PARD3B: variants seen among roughly 807,000 people sequenced by gnomAD.
PARD3B encodes partitioning defective 3 homolog B.
Under a neutral mutation model 130.2 loss-of-function variants are expected in PARD3B, and 103 were observed. The observed-to-expected ratio is 0.79, with a 90% CI of 0.67 to 0.93. The LOEUF (loss-of-function observed/expected upper bound fraction) is 0.93, where lower values mean the gene tolerates loss of function less well. PARD3B is among the 40% of genes least tolerant of loss of function. The probability of loss-of-function intolerance (pLI) is 0.00; values close to 1 mark genes in which losing one functional copy is unlikely to be tolerated. For missense variants in PARD3B, 1,609 were observed against 1,499.2 expected (o/e 1.07, Z -1.21); for synonymous variants, 583 against 553.2 (o/e 1.05, Z -0.76).
chr2:205,321,889 T>C lies in PARD3B; in HGVS notation c.2630+20188T>C, dbSNP rs1189411202. 1.3e-5 allele frequency among the ~76,000 whole-genome samples: 2 copies of C among 152,172 alleles called. No homozygotes were observed. Among genetic ancestry groups the C allele is most frequent in the African/African-American group, 4.8e-5 (2 of 41,442 alleles). On this transcript the variant is annotated intron_variant, in intron 18 of 22. Coordinates refer to ENST00000406610, the MANE Select transcript of PARD3B (RefSeq NM_001302769.2). The surrounding 1 kb of genome is among the most constrained non-coding windows in gnomAD (Gnocchi z 4.2). ...AACTTCAGAAGTAAACCTCTGTAAA[T>C]AGGTGCAAATATCCTTGTGATAAAG...
At chr2:205,507,212 T>TTTA (rs1380381427) in intron 21 of PARD3B, among the ~76,000 whole-genome samples, 1 of 113,540 alleles carries the variant, frequency 8.8e-6, no homozygotes, top group Non-Finnish European at 1.9e-5. Flanking sequence ...TTTTTTTTTT[T>TTTA]TTTTTTTTTT....
intron 12 of PARD3B, among the ~76,000 whole-genome samples, chr2:205,175,950 G>T (rs1300697263): frequency 2.0e-5 from 3 of 152,194 alleles, no homozygotes; most frequent in African/African-American, 7.2e-5. Context: ...GTTTGATTTA[G>T]CTCCTGGCCA....
intron 19 of PARD3B, among the ~76,000 whole-genome samples, chr2:205,410,759 T>G (rs1438488830): frequency 2.0e-5 from 3 of 152,210 alleles, no homozygotes; most frequent in Non-Finnish European, 2.9e-5. Flanking sequence ...TCTTTCCTTA[T>G]TTGAACATTT....
rs1472141811 is a variant in PARD3B at position 205,128,736 on chromosome 2, A to C, written c.1434+2999A>C. 6.6e-6 allele frequency among the ~76,000 whole-genome samples: 1 copy of C among 152,130 alleles called. No homozygotes were observed. Among genetic ancestry groups the C allele is most frequent in the African/African-American group, 2.4e-5 (1 of 41,420 alleles). Reference sequence around the variant, plus strand: ...GTGTAAACACAATTCTATACTCTAGATATATTATGGGGTAGATAGATTTAT... The same window carrying C: ...GTGTAAACACAATTCTATACTCTAGCTATATTATGGGGTAGATAGATTTAT... On this transcript the variant is annotated intron_variant, in intron 10 of 22. Transcript: ENST00000406610. The surrounding 1 kb of genome is among the most constrained non-coding windows in gnomAD (Gnocchi z 4.5).
At chr2:205,191,237 C>T (rs1214949697) in intron 14 of PARD3B, among the ~76,000 whole-genome samples, 2 of 152,142 alleles carry the variant, frequency 1.3e-5, no homozygotes, top group Non-Finnish European at 2.9e-5. Flanking sequence ...CTTAATAGCT[C>T]AGGTTGATCA....
Position 204,906,182 on chromosome 2 carries a change from A to C in PARD3B, c.223-58970A>C, listed in dbSNP as rs2047035718. On this transcript the variant is annotated intron_variant, in intron 2 of 22. Coordinates refer to ENST00000406610, the MANE Select transcript of PARD3B (RefSeq NM_001302769.2). This position sits in a 1 kb window ranked among gnomAD's most constrained non-coding sequence, Gnocchi z 4.3. ...TGGTTAAATAATTTTTCTGTGACTT[A>C]AGTAATTATTTAGAAGTCATGGTAA... Among the ~76,000 whole-genome samples the C allele has an allele frequency of 6.6e-6, 1 of 152,176 alleles. No individual in the cohort carries two copies. The highest frequency in any genetic ancestry group is 2.4e-5 in the African/African-American group (1 of 41,434).
chr2:204,881,277 A>G (rs2046035134), intron 2 of PARD3B, among the ~76,000 whole-genome samples: 1 of 151,972 alleles, frequency 6.6e-6, no homozygotes, highest in African/African-American at 2.4e-5. Context: ...GTAAAATGCC[A>G]TTTTCAACAG....
At chr2:205,609,502 T>C (rs2055149605) in intron 22 of PARD3B, among the ~76,000 whole-genome samples, 1 of 152,128 alleles carries the variant, frequency 6.6e-6, no homozygotes. Context: ...AACCCCAAAT[T>C]TGGCCACAGT....
chr2:204,610,649 C>T lies in PARD3B; in HGVS notation c.120+64530C>T, dbSNP rs553328392. 8.5e-5 allele frequency among the ~76,000 whole-genome samples: 13 copies of T among 152,260 alleles called. No homozygotes were observed. In the East Asian group the frequency reaches 2.3e-3, roughly 27 times the overall value. ...TGCTGGGATTACAGGCAGGAGCCACCGTGCCTGCCCCTTGTCCTTCATAGA... is the reference window on the plus strand; with the variant it reads ...TGCTGGGATTACAGGCAGGAGCCACTGTGCCTGCCCCTTGTCCTTCATAGA... On this transcript the variant is annotated intron_variant, in intron 1 of 22. Coordinates refer to ENST00000406610, the MANE Select transcript of PARD3B (RefSeq NM_001302769.2). This position sits in a 1 kb window ranked among gnomAD's most constrained non-coding sequence, Gnocchi z 4.1.
At position 205,344,187 on chromosome 2, in the gene PARD3B, A is replaced by G. The variant is rs1034093053; in HGVS notation, c.2630+42486A>G. Among the ~76,000 whole-genome samples, 325 of 82,732 alleles carry G rather than the reference A, an allele frequency of 3.9e-3. 3 individuals carry two copies. Among genetic ancestry groups the G allele is most frequent in the Non-Finnish European group, 6.2e-3 (222 of 35,660 alleles). The allele number at this position is 82,732 out of a possible 152,430, so 54.3% of individuals were successfully genotyped here. A position where few individuals can be genotyped will look rare whatever the true frequency, so the allele number is the denominator to read the frequency against. On this transcript the variant is annotated intron_variant, in intron 18 of 22. Coordinates refer to ENST00000406610, the MANE Select transcript of PARD3B (RefSeq NM_001302769.2). ...GAGCTTTGAAGGTGGGAAATGTGTC[A>G]GTTGGTTTGTGTGTGTGTGTGTGTG...
intron 3 of PARD3B, among the ~76,000 whole-genome samples, chr2:204,983,062 T>G (rs2125215799): frequency 6.6e-6 from 1 of 152,312 alleles, no homozygotes; most frequent in African/African-American, 2.4e-5. Context: ...TCTACCTGAT[T>G]TAGTGCTTTC....
Position 205,475,781 on chromosome 2 carries a change from A to T in PARD3B, c.3045-24115A>T, listed in dbSNP as rs537789673. On this transcript the variant is annotated intron_variant, in intron 20 of 22. Transcript: ENST00000406610. Reference sequence around the variant, plus strand: ...AGAAGCCTGCTCTTTGGTGATAGGCATACTGTTTGCTTCTGCAAATGAAGT... The same window carrying T: ...AGAAGCCTGCTCTTTGGTGATAGGCTTACTGTTTGCTTCTGCAAATGAAGT... Among the ~76,000 whole-genome samples the T allele has an allele frequency of 3.9e-5, 6 of 152,330 alleles. No homozygotes were observed. The East Asian group carries it at 1.2e-3, about 29-fold the overall frequency.
At chr2:205,088,088 A>G (rs1420330138) in intron 4 of PARD3B, among the ~76,000 whole-genome samples, 1 of 152,176 alleles carries the variant, frequency 6.6e-6, no homozygotes. Context: ...GGCTCTAAAG[A>G]TTTTGCAACT....
intron 16 of PARD3B, among the ~76,000 whole-genome samples, chr2:205,261,718 G>T (rs574017500): frequency 1.3e-5 from 2 of 152,250 alleles, no homozygotes; most frequent in East Asian, 3.9e-4. Context: ...TTCTTGTAAT[G>T]ATTCATTGTT....
chr2:204,950,460 A>C (rs1034753376), intron 2 of PARD3B, among the ~76,000 whole-genome samples: 1 of 152,168 alleles, frequency 6.6e-6, no homozygotes, highest in African/African-American at 2.4e-5. Flanking sequence ...ACCTTGAAGG[A>C]TTCTAAGAAA....
chr2:205,558,844 C>T lies in PARD3B; in HGVS notation c.3260+5441C>T, dbSNP rs1195802723. Among the ~76,000 whole-genome samples, 1 of 152,186 alleles carries T rather than the reference C, an allele frequency of 6.6e-6. No individual in the cohort carries two copies. Among genetic ancestry groups the T allele is most frequent in the Admixed American group, 6.5e-5 (1 of 15,272 alleles). ...AAAACCCATGCCATCTTCCTTTGCT[C>T]TTCTTCTTTTAAACTTCCATAGCAT... is the stretch of plus-strand genomic sequence containing the variant. On this transcript the variant is annotated intron_variant, in intron 22 of 22. Coordinates refer to ENST00000406610, the MANE Select transcript of PARD3B (RefSeq NM_001302769.2). The surrounding 1 kb of genome is among the most constrained non-coding windows in gnomAD (Gnocchi z 4.8).
chr2:205,512,989 C>CTTT (rs34921395), intron 21 of PARD3B, among the ~76,000 whole-genome samples: 1 of 143,328 alleles, frequency 7.0e-6, no homozygotes, highest in Non-Finnish European at 1.5e-5. Flanking sequence ...TTTTTTCCTT[C>CTTT]TTTTTTTTTT....
At chr2:204,778,147 A>C (rs2041704690) in intron 2 of PARD3B, among the ~76,000 whole-genome samples, 2 of 88,538 alleles carry the variant, frequency 2.3e-5, no homozygotes, top group East Asian at 4.0e-4. Context: ...ACCCTCTATC[A>C]AAAAAAAAAA....
chr2:205,033,164 C>G (rs932707538), intron 3 of PARD3B, among the ~76,000 whole-genome samples: 3 of 152,052 alleles, frequency 2.0e-5, no homozygotes, highest in African/African-American at 7.2e-5. Context: ...ATGAGCCATC[C>G]CAAATGTGCA....
Sources: gnomAD v4.1 joint callset for allele counts (sites outside exome capture counted in the v4.1 genomes callset) on GRCh38, gnomAD v4.1.1 for gene constraint, Gnocchi (gnomAD v3.1) non-coding constraint, MANE v1.5 for transcripts, NCBI Gene and HGNC (gene_info 2026-07-23, HGNC 2026-07-21) for gene names.